The following UBTD2 variants were observed in gnomAD, a reference collection of about 807,000 sequenced individuals.
UBTD2 encodes the protein ubiquitin domain containing 2.
In UBTD2, 9 loss-of-function variants were observed where a neutral mutation model predicts 19.8. That is an observed-to-expected ratio of 0.46 (90% CI 0.27 to 0.79). The LOEUF is 0.79. Ranked by LOEUF, UBTD2 falls within the 30% of genes least tolerant of loss-of-function variation. The probability of loss-of-function intolerance (pLI) is 0.14; values close to 1 mark genes in which losing one functional copy is unlikely to be tolerated. For synonymous variants in UBTD2, 98 were observed against 103.9 expected (o/e 0.94, Z 0.35); for missense variants, 250 against 300.4 (o/e 0.83, Z 1.24).
At chr5:172,259,060 C>T (rs1243694306) in intron 1 of UBTD2, among the ~76,000 whole-genome samples, 1 of 152,148 alleles carries the variant, frequency 6.6e-6, no homozygotes, top group Non-Finnish European at 1.5e-5. Context: ...TTTACCCATT[C>T]AGTATGATGT....
Position 172,210,443 on chromosome 5 carries a change from C to T in UBTD2, c.*1387G>A, listed in dbSNP as rs962433171. The stretch of plus-strand genomic sequence containing the variant: ...GGGGCACAGTGGTCACATGTTAGCC[C>T]CCCTTCTCACTTATGGAACCAACTT... On this transcript the variant is annotated 3_prime_UTR_variant, in exon 3 of 3. Coordinates refer to ENST00000393792, the MANE Select transcript of UBTD2 (RefSeq NM_152277.3). 6.6e-6 allele frequency: 1 copy of T among 151,750 alleles called. No individual in the cohort carries two copies. The highest frequency in any genetic ancestry group is 2.4e-5 in the African/African-American group (1 of 41,360). The allele number at this position is 151,750 out of a possible 1,614,324, so 9.4% of individuals were successfully genotyped here.
At chr5:172,253,205 T>C (rs2113072159) in intron 1 of UBTD2, among the ~76,000 whole-genome samples, 1 of 152,132 alleles carries the variant, frequency 6.6e-6, no homozygotes. Context: ...ATTTACTATT[T>C]TTAAATTTTA....
At chr5:172,281,633 A>AGT (rs1755719016) in intron 1 of UBTD2, among the ~76,000 whole-genome samples, 1 of 132,680 alleles carries the variant, frequency 7.5e-6, no homozygotes, top group South Asian at 2.6e-4. Context: ...ATTAAGCAAT[A>AGT]ATTTTTTTTA....
intron 1 of UBTD2, among the ~76,000 whole-genome samples, chr5:172,263,921 C>A (rs1326914101): frequency 6.8e-6 from 1 of 147,154 alleles, no homozygotes; most frequent in South Asian, 2.2e-4. Flanking sequence ...AGGCTGGGCT[C>A]AAGCACTCCT....
At chr5:172,246,389 G>A (rs1415188857) in intron 1 of UBTD2, among the ~76,000 whole-genome samples, 1 of 147,746 alleles carries the variant, frequency 6.8e-6, no homozygotes, top group Non-Finnish European at 1.5e-5. Context: ...AATCATATCA[G>A]TCACTATATG....
At chr5:172,243,545 G>A (rs1417579833) in intron 1 of UBTD2, among the ~76,000 whole-genome samples, 1 of 138,590 alleles carries the variant, frequency 7.2e-6, no homozygotes, top group Admixed American at 7.5e-5. Context: ...CTCCAGAATT[G>A]TGAGAAACCT....
At chr5:172,276,374 T>C (rs1755603112) in intron 1 of UBTD2, among the ~76,000 whole-genome samples, 1 of 152,204 alleles carries the variant, frequency 6.6e-6, no homozygotes, top group Non-Finnish European at 1.5e-5. Flanking sequence ...TCTCCATCAT[T>C]TTCTCTCACA....
chr5:172,236,084 T>C (rs1295127700), intron 1 of UBTD2, among the ~76,000 whole-genome samples: 1 of 152,220 alleles, frequency 6.6e-6, no homozygotes, highest in Admixed American at 6.5e-5. Context: ...CTCCAGACCC[T>C]GGGCTATCTC....
chr5:172,254,863 T>A, intron 1 of UBTD2: 1 of 522,300 alleles, frequency 1.9e-6, no homozygotes, highest in Non-Finnish European at 3.6e-6. Flanking sequence ...CAATTACAGG[T>A]ACTTGCATGC....
At chr5:172,282,926 G>A (rs1755748122) in intron 1 of UBTD2, among the ~76,000 whole-genome samples, 1 of 152,092 alleles carries the variant, frequency 6.6e-6, no homozygotes, top group Admixed American at 6.6e-5. Context: ...AAGACAGATG[G>A]GAATGTGATT....
intron 1 of UBTD2, among the ~76,000 whole-genome samples, chr5:172,253,348 T>G (rs1432402715): frequency 2.6e-5 from 4 of 152,224 alleles, no homozygotes; most frequent in African/African-American, 9.6e-5. Flanking sequence ...TGCCCATTAT[T>G]AGCTGGGTAT....
chr5:172,244,971 C>T (rs564817615), intron 1 of UBTD2, among the ~76,000 whole-genome samples: 79 of 152,170 alleles, frequency 5.2e-4, no homozygotes, highest in Non-Finnish European at 1.0e-3. Context: ...TCAGGTGATC[C>T]GCCTGCCTCG....
intron 2 of UBTD2, among the ~76,000 whole-genome samples, chr5:172,221,262 G>A (rs1365986527): frequency 1.3e-5 from 2 of 152,140 alleles, no homozygotes; most frequent in African/African-American, 4.8e-5. Context: ...CCAGTGCTTG[G>A]GGAGGCTATG....
intron 1 of UBTD2, among the ~76,000 whole-genome samples, chr5:172,253,367 C>T (rs1755066653): frequency 6.6e-6 from 1 of 152,110 alleles, no homozygotes; most frequent in Non-Finnish European, 1.5e-5. Flanking sequence ...ATTCCTTTTG[C>T]TCTATACTGT....
intron 1 of UBTD2, among the ~76,000 whole-genome samples, chr5:172,251,663 C>A (rs1278049656): frequency 6.6e-6 from 1 of 151,136 alleles, no homozygotes; most frequent in South Asian, 2.1e-4. Flanking sequence ...AATACCATAA[C>A]CAGCAAAGCT....
chr5:172,246,732 C>CCA (rs752122290), intron 1 of UBTD2, among the ~76,000 whole-genome samples: 78 of 143,676 alleles, frequency 5.4e-4, no homozygotes, highest in Non-Finnish European at 9.0e-4. Flanking sequence ...GTGTGAGCCA[C>CCA]CACGCCCAGC....
At chr5:172,234,510 A>G (rs1436133148) in intron 1 of UBTD2, 152 bp from the exon 2 acceptor site, 13 of 701,662 alleles carry the variant, frequency 1.9e-5, no homozygotes, top group Non-Finnish European at 2.8e-5. Flanking sequence ...AATTCCTCTA[A>G]CACATTTTGG....
In UBTD2 at chr5:172,243,782, C is replaced by T. The variant is rs528504937; in HGVS notation, c.71-9424G>A. ...TTCACCATGTTGGCCAGGCTGGTCT[C>T]GAACTCCAGACCTCAGGTGATCCAC... On this transcript the variant is annotated intron_variant, in intron 1 of 2. Coordinates refer to ENST00000393792, the MANE Select transcript of UBTD2 (RefSeq NM_152277.3). Among the ~76,000 whole-genome samples the T allele has an allele frequency of 3.1e-3, 467 of 151,850 alleles. 6 individuals are homozygous for T. Among genetic ancestry groups the T allele is most frequent in the African/African-American group, 0.01 (430 of 41,424 alleles).
chr5:172,249,404 A>AG, intron 1 of UBTD2, among the ~76,000 whole-genome samples: 2 of 34,728 alleles, frequency 5.8e-5, no homozygotes, highest in African/African-American at 3.0e-4. Context: ...GTCTCATGAA[A>AG]AAAAAAAAAA....
Sources: gnomAD v4.1 joint callset for allele counts (sites outside exome capture counted in the v4.1 genomes callset) on GRCh38, gnomAD v4.1.1 for gene constraint, MANE v1.5 for transcripts, NCBI Gene and HGNC (gene_info 2026-07-23, HGNC 2026-07-21) for gene names.